SSBP2: variants seen among roughly 807,000 people sequenced by gnomAD.
SSBP2 encodes the protein single stranded DNA binding protein 2.
Under a neutral mutation model 61.8 loss-of-function variants are expected in SSBP2, and 17 were observed. The observed-to-expected ratio is 0.28, with a 90% CI of 0.19 to 0.41. The LOEUF is 0.41. SSBP2 is among the 10% of genes least tolerant of loss of function. The probability of loss-of-function intolerance (pLI) is 1.00; values close to 1 mark genes in which losing one functional copy is unlikely to be tolerated. For synonymous variants in SSBP2, 139 were observed against 141.3 expected (o/e 0.98, Z 0.12); for missense variants, 310 against 458.7 (o/e 0.68, Z 2.96).
rs569762961 is a variant in SSBP2 at position 81,690,339 on chromosome 5, G to A, written c.63-40000C>T. ...AGTGGATATAAAAACAAGATCCAAC[G>A]ATCTGTTGCGTACAATAAACACACT... On this transcript the variant is annotated intron_variant, in intron 1 of 16. Coordinates refer to ENST00000320672, the MANE Select transcript of SSBP2 (RefSeq NM_012446.5). Among the ~76,000 whole-genome samples, 5 of 152,090 alleles carry A rather than the reference G, an allele frequency of 3.3e-5. No homozygotes were observed. The East Asian group carries it at 7.7e-4, about 23-fold the overall frequency.
At chr5:81,577,156 G>T (rs1405919687) in intron 4 of SSBP2, among the ~76,000 whole-genome samples, 1 of 151,996 alleles carries the variant, frequency 6.6e-6, no homozygotes, top group African/African-American at 2.4e-5. Context: ...TAATCAATGT[G>T]CAGATTTATG....
chr5:81,473,713 G>C lies in SSBP2; in HGVS notation c.557C>G (p.Pro186Arg). The C allele has an allele frequency of 6.2e-7, 1 of 1,613,750 alleles. No homozygotes were observed. Among genetic ancestry groups the C allele is most frequent in the Non-Finnish European group, 8.5e-7 (1 of 1,179,854 alleles). Reference sequence around the variant, plus strand: ...CTGATTATTTACCTGTGGTCCTAAGGGCACCATTCCTCTTGGAGGAGTCAT... The same window carrying C: ...CTGATTATTTACCTGTGGTCCTAAGCGCACCATTCCTCTTGGAGGAGTCAT... The change falls in exon 8 of 17, where the codon CCC becomes CGC. Residue 186 changes from proline to arginine, a missense_variant. By Grantham distance (103) the Pro-to-Arg change is moderately radical. This residue lies in a region of SSBP2 where 209 missense variants were observed against 286.4 expected (regional missense o/e 0.73). Transcript: ENST00000320672.
At chr5:81,749,039 C>G (rs1554124057) in intron 1 of SSBP2, among the ~76,000 whole-genome samples, 1 of 152,194 alleles carries the variant, frequency 6.6e-6, no homozygotes, top group Non-Finnish European at 1.5e-5. Flanking sequence ...TGCCTCAATA[C>G]ATTTCAATCA....
chr5:81,705,288 T>TA (rs1250369498), intron 1 of SSBP2, among the ~76,000 whole-genome samples: 2 of 152,232 alleles, frequency 1.3e-5, no homozygotes, highest in Non-Finnish European at 2.9e-5. Flanking sequence ...AATAAAATGT[T>TA]AGAGTTTTTT....
At chr5:81,423,056 G>A (rs1055332030) in intron 16 of SSBP2, among the ~76,000 whole-genome samples, 1 of 152,222 alleles carries the variant, frequency 6.6e-6, no homozygotes, top group Admixed American at 6.5e-5. Context: ...AAGAAAATAA[G>A]TGGTTAGCAA....
At chr5:81,427,087 T>C (rs139086721) in intron 16 of SSBP2, among the ~76,000 whole-genome samples, 11 of 152,260 alleles carry the variant, frequency 7.2e-5, no homozygotes, top group African/African-American at 2.6e-4. Context: ...TTAAACTGAA[T>C]TGAATTATCA....
intron 4 of SSBP2, among the ~76,000 whole-genome samples, chr5:81,594,032 A>C (rs1348800768): frequency 6.6e-6 from 1 of 152,170 alleles, no homozygotes; most frequent in Non-Finnish European, 1.5e-5. Context: ...CTTCAATTAA[A>C]AGACACAGAC....
chr5:81,536,902 T>C, intron 4 of SSBP2, among the ~76,000 whole-genome samples: 1 of 151,720 alleles, frequency 6.6e-6, no homozygotes, highest in East Asian at 1.9e-4. Context: ...TCGCCTGTAA[T>C]CCCAGCTAGG....
chr5:81,707,703 G>GA (rs147222399), intron 1 of SSBP2, among the ~76,000 whole-genome samples: 10,882 of 152,204 alleles, frequency 0.071, 485 homozygotes, highest in Middle Eastern at 0.12. Context: ...GGCTGTAAGG[G>GA]AAACACAAAA....
At chr5:81,697,244 G>A (rs973827373) in intron 1 of SSBP2, among the ~76,000 whole-genome samples, 1 of 152,054 alleles carries the variant, frequency 6.6e-6, no homozygotes, top group Non-Finnish European at 1.5e-5. Context: ...AAATGCTTTC[G>A]ACTTAACCAG....
chr5:81,601,423 C>A (rs1288579268), intron 4 of SSBP2, among the ~76,000 whole-genome samples: 2 of 151,996 alleles, frequency 1.3e-5, no homozygotes, highest in Non-Finnish European at 2.9e-5. Context: ...TCACACAAAA[C>A]TAAATACACA....
chr5:81,610,346 G>C (rs1745324016), intron 4 of SSBP2, among the ~76,000 whole-genome samples: 1 of 152,210 alleles, frequency 6.6e-6, no homozygotes. Flanking sequence ...AGTTACATTT[G>C]TTAGTAGTTG....
chr5:81,696,488 G>T (rs1251433652), intron 1 of SSBP2, among the ~76,000 whole-genome samples: 1 of 152,160 alleles, frequency 6.6e-6, no homozygotes, highest in Non-Finnish European at 1.5e-5. Flanking sequence ...ATGGAAGTTG[G>T]GGGTGGGAGA....
chr5:81,542,285 G>A (rs886213833), intron 4 of SSBP2, among the ~76,000 whole-genome samples: 3 of 152,172 alleles, frequency 2.0e-5, no homozygotes, highest in Non-Finnish European at 2.9e-5. Context: ...TGGTAAGGCT[G>A]TGAAGAAAAG....
intron 1 of SSBP2, among the ~76,000 whole-genome samples, chr5:81,677,447 T>C (rs1351257965): frequency 2.0e-5 from 3 of 152,048 alleles, no homozygotes; most frequent in Non-Finnish European, 4.4e-5. Context: ...TCTGCAGGAA[T>C]CAGCGCCAGG....
At chr5:81,493,295 TAGA>T (rs1767019847) in intron 5 of SSBP2, among the ~76,000 whole-genome samples, 8 of 143,102 alleles carry the variant, frequency 5.6e-5, no homozygotes, top group African/African-American at 2.1e-4. Context: ...GATAGATAGA[TAGA>T]TAGATTAACA....
intron 1 of SSBP2, among the ~76,000 whole-genome samples, chr5:81,717,346 C>T (rs548073213): frequency 8.5e-5 from 13 of 152,258 alleles, no homozygotes; most frequent in African/African-American, 2.9e-4. Flanking sequence ...TTCTATCACC[C>T]CCATAAAACT....
chr5:81,668,722 A>C (rs980137733), intron 1 of SSBP2, among the ~76,000 whole-genome samples: 1 of 152,076 alleles, frequency 6.6e-6, no homozygotes, highest in Non-Finnish European at 1.5e-5. Context: ...AAATATTTTT[A>C]CAAAAAAATT....
rs6862413 is a variant in SSBP2 at position 81,738,250 on chromosome 5, C to T, written c.62+12731G>A. On this transcript the variant is annotated intron_variant, in intron 1 of 16. Transcript: ENST00000320672. ...TGGTTACACTGGTGTGTTCAGTTTG[C>T]GAAAACTCATCAAATTTACACATTT... Among the ~76,000 whole-genome samples the T allele has an allele frequency of 7.9e-3, 1,196 of 152,212 alleles. 7 individuals carry two copies. Among genetic ancestry groups the T allele is most frequent in the African/African-American group, 0.022 (895 of 41,524 alleles).
Sources: allele counts gnomAD v4.1 joint callset (sites outside exome capture counted in the v4.1 genomes callset), GRCh38; gene constraint gnomAD v4.1.1; regional missense constraint gnomAD v4.1.1; transcripts MANE v1.5; gene names NCBI Gene and HGNC (gene_info 2026-07-23, HGNC 2026-07-21).